The following SYNE2 variants were observed in gnomAD, a reference collection of about 807,000 sequenced individuals.
SYNE2 encodes spectrin repeat containing nuclear envelope protein 2.
Under a neutral mutation model 856.3 loss-of-function variants are expected in SYNE2, and 431 were observed. The ratio of observed to expected loss-of-function variants is 0.50; its 90% CI spans 0.47 to 0.55. The LOEUF (loss-of-function observed/expected upper bound fraction) is 0.55, where lower values mean the gene tolerates loss of function less well. Ranked by LOEUF, SYNE2 falls within the 20% of genes least tolerant of loss-of-function variation. SYNE2 has a pLI of 0.00. For synonymous variants in SYNE2, 2,923 were observed against 2,872.3 expected, an observed-to-expected ratio of 1.02 and a Z score of -0.56; for missense variants, 8,129 against 8,023.2, an observed-to-expected ratio of 1.01 and a Z score of -0.50.
intron 99 of SYNE2, among the ~76,000 whole-genome samples, chr14:64,192,168 A>C (rs2098521631): frequency 6.6e-6 from 1 of 152,218 alleles, no homozygotes; most frequent in Non-Finnish European, 1.5e-5. Context: ...CCTAATTCTC[A>C]GAGCTTAGAA....
chr14:64,012,440 GTTAAACTTGTTAT>G (rs554371105), intron 32 of SYNE2, among the ~76,000 whole-genome samples: 2 of 152,286 alleles, frequency 1.3e-5, no homozygotes, highest in South Asian at 4.1e-4. Context: ...AATCCACCAT[GTTAAACTTGTTAT>G]TTAACTGTTT....
At chr14:63,964,029 A>G in intron 10 of SYNE2, 29 bp downstream of exon 10, 1 of 1,358,126 alleles carries the variant, frequency 7.4e-7, no homozygotes, top group Non-Finnish European at 1.0e-6. Context: ...AGCTGTTTGT[A>G]ATTTACCTTT....
At chr14:64,117,971 T>C (rs2097864495) in intron 66 of SYNE2, among the ~76,000 whole-genome samples, 1 of 152,210 alleles carries the variant, frequency 6.6e-6, no homozygotes, top group African/African-American at 2.4e-5. Flanking sequence ...GAATTTTCCA[T>C]TTAATATTTT....
At chr14:63,881,040 G>A (rs1169920668) in intron 1 of SYNE2, among the ~76,000 whole-genome samples, 1 of 151,882 alleles carries the variant, frequency 6.6e-6, no homozygotes. Context: ...GGTAGAGATA[G>A]GGTTTCACCA....
intron 82 of SYNE2, among the ~76,000 whole-genome samples, chr14:64,142,416 C>T (rs375951727): frequency 1.1e-4 from 17 of 152,250 alleles, no homozygotes; most frequent in African/African-American, 4.1e-4. Flanking sequence ...GTTCTTGGTG[C>T]TCTCCCTTAT....
intron 99 of SYNE2, among the ~76,000 whole-genome samples, chr14:64,200,562 T>G (rs533265548): frequency 6.6e-6 from 1 of 152,358 alleles, no homozygotes; most frequent in Non-Finnish European, 1.5e-5. Context: ...GCCATAGGAA[T>G]GAAGGCAGGA....
chr14:63,854,806 A>G (rs1332211372), intron 1 of SYNE2, among the ~76,000 whole-genome samples: 1 of 152,242 alleles, frequency 6.6e-6, no homozygotes, highest in Non-Finnish European at 1.5e-5. Context: ...CAGAATGTTT[A>G]GAGAACTGAG....
intron 45 of SYNE2, among the ~76,000 whole-genome samples, chr14:64,044,177 G>T (rs368656676): frequency 6.6e-6 from 1 of 152,178 alleles, no homozygotes; most frequent in Non-Finnish European, 1.5e-5. Context: ...GCCCAAGACC[G>T]TGGGAACCTA....
At chr14:63,968,171 A>G (rs775265859) in intron 11 of SYNE2, among the ~76,000 whole-genome samples, 1 of 152,188 alleles carries the variant, frequency 6.6e-6, no homozygotes, top group Non-Finnish European at 1.5e-5. Context: ...TCAAAAAAAA[A>G]AGAACATTTT....
At chr14:64,111,491 T>G (rs927756615) in intron 65 of SYNE2, among the ~76,000 whole-genome samples, 2 of 151,602 alleles carry the variant, frequency 1.3e-5, no homozygotes, top group African/African-American at 4.8e-5. Flanking sequence ...ATCACACAAC[T>G]GTTGCTTTTT....
At chr14:64,075,507 CT>C in intron 53 of SYNE2, 2 of 212,666 alleles carry the variant, frequency 9.4e-6, no homozygotes. Context: ...AAGTGTGGGG[CT>C]TTTAGTGGCC....
chr14:63,978,735 G>A (rs2096563908), intron 13 of SYNE2, 117 bp from the exon 14 acceptor site: 1 of 794,086 alleles, frequency 1.3e-6, no homozygotes, highest in Non-Finnish European at 2.0e-6. Flanking sequence ...ATACATCTGA[G>A]TTCCATGTGC....
rs1209334613 is a variant in SYNE2, at chr14:64,150,096, TGAGCTCCTAGGCTTAA to T, written c.15640-2464_15640-2449del. Among the ~76,000 whole-genome samples the T allele has an allele frequency of 3.4e-5, 5 of 145,714 alleles. No homozygotes were observed. The East Asian group carries it at 1.0e-3, about 30-fold the overall frequency. ...TTGCAATCATAACTCACTTCAGCCT[TGAGCTCCTAGGCTTAA>T]GAGATCCTCCCACTCTGGGCGCGGT... On this transcript the variant is annotated intron_variant, in intron 84 of 115. Transcript: ENST00000555002.
At chr14:64,070,476 A>G (rs573809099) in intron 51 of SYNE2, among the ~76,000 whole-genome samples, 169 bp from the exon 52 acceptor site, 5 of 152,376 alleles carry the variant, frequency 3.3e-5, no homozygotes, top group African/African-American at 1.2e-4. Context: ...GCTGGGCATT[A>G]TGGGATTCTG....
intron 96 of SYNE2, among the ~76,000 whole-genome samples, 156 bp from the exon 97 acceptor site, chr14:64,186,268 A>G (rs1165025291): frequency 6.6e-6 from 1 of 152,202 alleles, no homozygotes; most frequent in Non-Finnish European, 1.5e-5. Flanking sequence ...CCACAACTGC[A>G]GGCGCTCGTC....
At chr14:64,035,702 G>T (rs1049816906) in intron 45 of SYNE2, among the ~76,000 whole-genome samples, 1 of 151,798 alleles carries the variant, frequency 6.6e-6, no homozygotes, top group East Asian at 1.9e-4. Flanking sequence ...TATTTTTTAT[G>T]AATTTTAGAG....
At chr14:63,762,210 A>G in intron 1 of SYNE2, 1 of 233,776 alleles carries the variant, frequency 4.3e-6, no homozygotes, top group South Asian at 4.6e-5. Flanking sequence ...AGGCAGGCGA[A>G]TCACCTGAGG....
chr14:64,082,219 A>C (rs1209450645), intron 57 of SYNE2, among the ~76,000 whole-genome samples: 1 of 152,194 alleles, frequency 6.6e-6, no homozygotes, highest in Admixed American at 6.5e-5. Flanking sequence ...CAGGAATATG[A>C]ATATGATGGG....
chr14:63,790,827 TG>T (rs996344390), intron 1 of SYNE2, among the ~76,000 whole-genome samples: 1 of 152,142 alleles, frequency 6.6e-6, no homozygotes, highest in Non-Finnish European at 1.5e-5. Flanking sequence ...TTCCTCCTAA[TG>T]GAAACTTCAT....
Sources: allele counts gnomAD v4.1 joint callset (sites outside exome capture counted in the v4.1 genomes callset), GRCh38; gene constraint gnomAD v4.1.1; transcripts MANE v1.5; gene names NCBI Gene and HGNC (gene_info 2026-07-23, HGNC 2026-07-21).